Variants in PDK1 observed in about 807,000 individuals in gnomAD.
The protein encoded by PDK1 is pyruvate dehydrogenase kinase 1, also known as [Pyruvate dehydrogenase (acetyl-transferring)] kinase isozyme 1, mitochondrial.
In PDK1, 39 loss-of-function variants were observed where a neutral mutation model predicts 54.2. The observed-to-expected ratio is 0.72, with a 90% CI of 0.56 to 0.94. The LOEUF is 0.94. PDK1 is among the 40% of genes least tolerant of loss of function. PDK1 has a pLI of 0.00. For missense variants in PDK1, 552 were observed against 566.0 expected, an observed-to-expected ratio of 0.98 and a Z score of 0.25; for synonymous variants, 221 against 207.1, an observed-to-expected ratio of 1.07 and a Z score of -0.58.
chr2:172,667,370 G>C, the PDK1 span, among the ~76,000 whole-genome samples: 2 of 152,310 alleles, frequency 1.3e-5, no homozygotes, highest in Non-Finnish European at 2.9e-5. Context: ...CAATGGGGCT[G>C]TCCCTAGTTG....
the PDK1 span, among the ~76,000 whole-genome samples, chr2:172,654,948 T>G: frequency 1.3e-5 from 2 of 152,068 alleles, no homozygotes; most frequent in Non-Finnish European, 2.9e-5. Context: ...GGGATTGGGA[T>G]TTTGTCAGTT....
the PDK1 span, chr2:172,679,055 A>G: frequency 6.6e-6 from 1 of 152,248 alleles, no homozygotes; most frequent in African/African-American, 2.4e-5. Context: ...ACATTCAGAA[A>G]TATAGCCTGT....
the PDK1 span, among the ~76,000 whole-genome samples, chr2:172,712,534 G>A: frequency 6.6e-6 from 1 of 152,190 alleles, no homozygotes; most frequent in African/African-American, 2.4e-5. Flanking sequence ...GCTGCGGTGG[G>A]GTGGGCAGTT....
At chr2:172,592,078 CCT>C (rs1690619820) in intron 9 of PDK1, among the ~76,000 whole-genome samples, 2 of 152,310 alleles carry the variant, frequency 1.3e-5, no homozygotes, top group Admixed American at 1.3e-4. Context: ...ATTTAGATCC[CCT>C]GTTAGGAAAC....
the PDK1 span, among the ~76,000 whole-genome samples, chr2:172,691,061 C>T: frequency 0.2 from 29,589 of 150,006 alleles, 4,215 homozygotes; most frequent in African/African-American, 0.32. Context: ...GCTGGCTTCA[C>T]CTCTCAAAAA....
chr2:172,712,428 C>T, the PDK1 span, among the ~76,000 whole-genome samples: 1 of 152,170 alleles, frequency 6.6e-6, no homozygotes, highest in Non-Finnish European at 1.5e-5. Context: ...CTACTGGCTC[C>T]GATCCCATGG....
the PDK1 span, among the ~76,000 whole-genome samples, chr2:172,637,109 T>C: frequency 6.6e-6 from 1 of 152,284 alleles, no homozygotes; most frequent in African/African-American, 2.4e-5. Context: ...CTAGAACGGG[T>C]TAATGAATCT....
At chr2:172,697,648 A>C in the PDK1 span, among the ~76,000 whole-genome samples, 1 of 152,208 alleles carries the variant, frequency 6.6e-6, no homozygotes, top group Non-Finnish European at 1.5e-5. Context: ...GTTCTCCCCA[A>C]GATTGAGAAT....
chr2:172,615,614 ACT>A, the PDK1 span, among the ~76,000 whole-genome samples: 1 of 151,600 alleles, frequency 6.6e-6, no homozygotes, highest in African/African-American at 2.4e-5. Flanking sequence ...TAAGAGCGAA[ACT>A]CTGTCTCAAA....
the PDK1 span, among the ~76,000 whole-genome samples, chr2:172,700,876 G>A: frequency 1.2e-4 from 19 of 152,278 alleles, no homozygotes; most frequent in Admixed American, 9.8e-4. Context: ...GGCGGCGCAC[G>A]CCTGCAATCC....
chr2:172,674,738 G>C, the PDK1 span: 2 of 152,216 alleles, frequency 1.3e-5, no homozygotes, highest in Non-Finnish European at 2.9e-5. Flanking sequence ...ATCTTCCACC[G>C]CCCTTGTCCC....
chr2:172,715,654 A>G, the PDK1 span, among the ~76,000 whole-genome samples: 565 of 152,338 alleles, frequency 3.7e-3, no homozygotes, highest in Non-Finnish European at 6.1e-3. Flanking sequence ...GGTGGGACAC[A>G]GGCAAAGAAC....
the PDK1 span, among the ~76,000 whole-genome samples, chr2:172,717,886 G>C: frequency 6.6e-6 from 1 of 152,190 alleles, no homozygotes; most frequent in Non-Finnish European, 1.5e-5. Context: ...AAGGGTGTTA[G>C]ACATCCGGTA....
chr2:172,590,167 A>G (rs1268081637), intron 9 of PDK1, among the ~76,000 whole-genome samples: 1 of 152,228 alleles, frequency 6.6e-6, no homozygotes, highest in Non-Finnish European at 1.5e-5. Context: ...CTGGAAATTT[A>G]TGATATTAAG....
chr2:172,614,578 C>T, the PDK1 span, among the ~76,000 whole-genome samples: 1 of 152,202 alleles, frequency 6.6e-6, no homozygotes, highest in African/African-American at 2.4e-5. Context: ...CTGCAGACAT[C>T]TGAATGACTT....
chr2:172,660,933 T>C, the PDK1 span, among the ~76,000 whole-genome samples: 1 of 152,284 alleles, frequency 6.6e-6, no homozygotes, highest in East Asian at 1.9e-4. Flanking sequence ...TAAATATTCT[T>C]TGCTTTCATG....
the PDK1 span, among the ~76,000 whole-genome samples, chr2:172,616,651 A>G: frequency 6.6e-6 from 1 of 152,234 alleles, no homozygotes. Flanking sequence ...ATAGGTTCAT[A>G]GAGGTTCATA....
At chr2:172,616,007 T>C in the PDK1 span, among the ~76,000 whole-genome samples, 1 of 152,172 alleles carries the variant, frequency 6.6e-6, no homozygotes. Context: ...CCAAATCTCA[T>C]GTAAGTAGGT....
chr2:172,593,957 A>C (rs1690745834), intron 10 of PDK1, among the ~76,000 whole-genome samples: 1 of 152,050 alleles, frequency 6.6e-6, no homozygotes, highest in Admixed American at 6.6e-5. Flanking sequence ...GAAAAGACTA[A>C]ATTCTTTCTA....
Sources: allele counts gnomAD v4.1 joint callset (sites outside exome capture counted in the v4.1 genomes callset), GRCh38; gene constraint gnomAD v4.1.1; transcripts MANE v1.5; gene names NCBI Gene and HGNC (gene_info 2026-07-23, HGNC 2026-07-21).